CEP135: variants seen among roughly 807,000 people sequenced by gnomAD.
CEP135 encodes the protein centrosomal protein of 135 kDa.
CEP135 carries 142 observed loss-of-function variants against 157.3 expected under a neutral mutation model. The ratio of observed to expected loss-of-function variants is 0.90; its 90% CI spans 0.79 to 1.04. The LOEUF (loss-of-function observed/expected upper bound fraction) is 1.04, where lower values mean the gene tolerates loss of function less well. CEP135 is among the 50% of genes least tolerant of loss of function. CEP135 has a pLI of 0.00. For missense variants in CEP135, 1,317 were observed against 1,309.2 expected, an observed-to-expected ratio of 1.01 and a Z score of -0.09; for synonymous variants, 396 against 439.8, an observed-to-expected ratio of 0.90 and a Z score of 1.25.
intron 23 of CEP135, among the ~76,000 whole-genome samples, chr4:56,020,442 T>C (rs1295709840): frequency 6.6e-6 from 1 of 152,236 alleles, no homozygotes; most frequent in Non-Finnish European, 1.5e-5. Context: ...CATTTATGTC[T>C]CGTTCAAATT....
chr4:55,982,873 A>T (rs1301457240), intron 13 of CEP135, among the ~76,000 whole-genome samples: 7 of 152,198 alleles, frequency 4.6e-5, no homozygotes. Context: ...AAATATAAGT[A>T]TATTAATACA....
intron 17 of CEP135, among the ~76,000 whole-genome samples, chr4:56,001,326 T>A (rs1730163429): frequency 6.6e-6 from 1 of 152,188 alleles, no homozygotes; most frequent in South Asian, 2.1e-4. Flanking sequence ...CAGACAATAT[T>A]TGTCCACACC....
chr4:55,977,761 G>A (rs186714091), intron 11 of CEP135, among the ~76,000 whole-genome samples: 7 of 152,280 alleles, frequency 4.6e-5, no homozygotes, highest in East Asian at 1.9e-4. Context: ...CAACACAATA[G>A]CTCATTAAAA....
At chr4:55,961,335 A>G (rs1728673167) in intron 6 of CEP135, among the ~76,000 whole-genome samples, 1 of 152,144 alleles carries the variant, frequency 6.6e-6, no homozygotes, top group Non-Finnish European at 1.5e-5. Flanking sequence ...AAAGCCACCA[A>G]TTTATTGTGG....
chr4:56,012,058 TATTTA>T, intron 21 of CEP135, 73 bp downstream of exon 21: 1 of 958,506 alleles, frequency 1.0e-6, no homozygotes, highest in Admixed American at 3.9e-5. Context: ...TTTATTTATT[TATTTA>T]TTTATTTTTT....
In CEP135 at chr4:55,965,479, A is replaced by G. The variant is rs553517458; in HGVS notation, c.829-165A>G. ...GATATGTACTTTCATTACACTGCACATGGTCAGTTTTGTAAATAACAATAT... is the reference window on the plus strand; with the variant it reads ...GATATGTACTTTCATTACACTGCACGTGGTCAGTTTTGTAAATAACAATAT... On this transcript the variant is annotated intron_variant, in intron 7 of 25. Transcript: ENST00000257287. 1.7e-4 allele frequency: 94 copies of G among 550,712 alleles called. No individual in the cohort carries two copies. In the East Asian group the frequency reaches 2.2e-3, roughly 13 times the overall value. The allele number at this position is 550,712 out of a possible 1,614,324, so 34.1% of individuals were successfully genotyped here.
intron 17 of CEP135, among the ~76,000 whole-genome samples, chr4:56,001,110 T>C (rs1730155431): frequency 6.6e-6 from 1 of 152,178 alleles, no homozygotes; most frequent in South Asian, 2.1e-4. Flanking sequence ...ATTTGGAGTT[T>C]TTTTGCTATT....
chr4:55,969,172 A>T, intron 9 of CEP135, 44 bp downstream of exon 9: 1 of 1,544,600 alleles, frequency 6.5e-7, no homozygotes, highest in Non-Finnish European at 8.9e-7. Flanking sequence ...TCAGTAAGAA[A>T]ATTTTTATGG....
intron 14 of CEP135, among the ~76,000 whole-genome samples, chr4:55,985,977 A>C (rs1729568421): frequency 6.6e-6 from 1 of 152,158 alleles, no homozygotes; most frequent in African/African-American, 2.4e-5. Context: ...GAAAAGCTGT[A>C]TAACAGCAGT....
In CEP135 at chr4:55,992,155, A is replaced by G. The variant is rs1039762945; in HGVS notation, c.2009+70A>G. 25 of 1,479,638 alleles carry G rather than the reference A, an allele frequency of 1.7e-5. No homozygotes were observed. In the Admixed American group the frequency reaches 5.6e-4, roughly 33 times the overall value. 91.7% of individuals were successfully genotyped at this position (1,479,638 alleles called of 1,614,324 possible). A position where few individuals can be genotyped will look rare whatever the true frequency, so the allele number is the denominator to read the frequency against. On this transcript the variant is annotated intron_variant, in intron 15 of 25. Coordinates refer to ENST00000257287, the MANE Select transcript of CEP135 (RefSeq NM_025009.5). ...TTGTGGTTATGTAAAGTTTATAATC[A>G]TGGCATTTTGGACTGGGCCTTTGTG...
Position 55,991,841 on chromosome 4 carries a change from G to C in CEP135, c.1858-93G>C, listed in dbSNP as rs34065759. ...TTTTAAAAATAAATCTATTTTCTTAGTTTTCTTCCGGAAATATTATTAAAG... is the reference window on the plus strand; with the variant it reads ...TTTTAAAAATAAATCTATTTTCTTACTTTTCTTCCGGAAATATTATTAAAG... On this transcript the variant is annotated intron_variant, in intron 14 of 25. Coordinates refer to ENST00000257287, the MANE Select transcript of CEP135 (RefSeq NM_025009.5). 69,784 of 685,062 alleles carry C rather than the reference G, an allele frequency of 0.1. 4,759 individuals are homozygous for C. The highest frequency in any genetic ancestry group is 0.28 in the East Asian group (8,410 of 30,272). The allele number at this position is 685,062 out of a possible 1,614,324, so 42.4% of individuals were successfully genotyped here. A position where few individuals can be genotyped will look rare whatever the true frequency, so the allele number is the denominator to read the frequency against.
chr4:55,965,913 CG>C, intron 8 of CEP135, 54 bp downstream of exon 8: 1 of 1,419,690 alleles, frequency 7.0e-7, no homozygotes. Context: ...TCCTAGCACA[CG>C]GTAAGCTTGA....
At chr4:55,990,693 G>C (rs1729758830) in intron 14 of CEP135, among the ~76,000 whole-genome samples, 1 of 151,984 alleles carries the variant, frequency 6.6e-6, no homozygotes, top group Non-Finnish European at 1.5e-5. Context: ...TGTAGAGACA[G>C]GGTCTCACTG....
At chr4:56,010,871 G>C (rs930324032) in intron 19 of CEP135, among the ~76,000 whole-genome samples, 1 of 152,148 alleles carries the variant, frequency 6.6e-6, no homozygotes, top group Admixed American at 6.6e-5. Context: ...ACCATAGCTA[G>C]CCTTTAGTGT....
rs564373016 is a variant in CEP135, at chr4:56,026,165, C to T, written c.*11+1551C>T. Among the ~76,000 whole-genome samples, 31 of 152,124 alleles carry T rather than the reference C, an allele frequency of 2.0e-4. No individual in the cohort carries two copies. The East Asian group carries it at 2.9e-3, about 14-fold the overall frequency. On this transcript the variant is annotated intron_variant, in intron 25 of 25. Coordinates refer to ENST00000257287, the MANE Select transcript of CEP135 (RefSeq NM_025009.5). Reference sequence around the variant, plus strand: ...CAGAAGTGGCAGTGAGCCCAGATCGCGCCACTGCACTCCAGCTTGGGTGAC... The same window carrying T: ...CAGAAGTGGCAGTGAGCCCAGATCGTGCCACTGCACTCCAGCTTGGGTGAC...
At chr4:55,991,815 T>G (rs1414634199) in intron 14 of CEP135, 119 bp from the exon 15 acceptor site, 5 of 641,058 alleles carry the variant, frequency 7.8e-6, no homozygotes, top group Non-Finnish European at 1.2e-5. Flanking sequence ...TTATAAAGTT[T>G]TTTTAAAAAT....
intron 18 of CEP135, 131 bp downstream of exon 18, chr4:56,008,513 C>A: frequency 1.5e-6 from 1 of 683,956 alleles, no homozygotes; most frequent in Non-Finnish European, 2.5e-6. Flanking sequence ...ATGGTAGCAT[C>A]ATTTTCTCAG....
At chr4:55,968,760 G>A (rs1728922583) in intron 8 of CEP135, among the ~76,000 whole-genome samples, 1 of 152,142 alleles carries the variant, frequency 6.6e-6, no homozygotes, top group African/African-American at 2.4e-5. Flanking sequence ...AATAGGATAG[G>A]AAAATCAGGA....
At chr4:55,980,906 A>G (rs1729382370) in intron 12 of CEP135, among the ~76,000 whole-genome samples, 1 of 152,090 alleles carries the variant, frequency 6.6e-6, no homozygotes, top group African/African-American at 2.4e-5. Context: ...TTTGGGGGGA[A>G]TTCTGCAGTG....
Sources: allele counts gnomAD v4.1 joint callset (sites outside exome capture counted in the v4.1 genomes callset), GRCh38; gene constraint gnomAD v4.1.1; transcripts MANE v1.5; gene names NCBI Gene and HGNC (gene_info 2026-07-23, HGNC 2026-07-21).